Variants in ARHGEF7 observed in about 807,000 individuals in gnomAD.
ARHGEF7 encodes Rho guanine nucleotide exchange factor 7.
ARHGEF7 carries 33 observed loss-of-function variants against 109.8 expected under a neutral mutation model. That is an observed-to-expected ratio of 0.30 (90% CI 0.23 to 0.40). ARHGEF7 has a LOEUF of 0.40. Among genes scored for constraint, ARHGEF7 ranks in the 10% least tolerant of loss-of-function variants. ARHGEF7 has a pLI of 1.00. For synonymous variants in ARHGEF7, 458 were observed against 424.6 expected (o/e 1.08, Z -0.97); for missense variants, 938 against 1,098.5 (o/e 0.85, Z 2.07).
intron 2 of ARHGEF7, among the ~76,000 whole-genome samples, chr13:111,197,065 C>CA (rs1323731801): frequency 1.3e-5 from 2 of 152,178 alleles, no homozygotes; most frequent in Non-Finnish European, 2.9e-5. Context: ...ATCTGAAAGA[C>CA]AAAACCACCT....
chr13:111,300,956 T>C, intron 20 of ARHGEF7, 109 bp downstream of exon 20: 1 of 623,566 alleles, frequency 1.6e-6, no homozygotes, highest in Non-Finnish European at 2.7e-6. Context: ...GCTTCACTTT[T>C]TTTTTTTTTG....
At chr13:111,144,899 G>C (rs546871205) in intron 1 of ARHGEF7, among the ~76,000 whole-genome samples, 1 of 152,310 alleles carries the variant, frequency 6.6e-6, no homozygotes, top group Non-Finnish European at 1.5e-5. Flanking sequence ...AGTAGAGAGA[G>C]AAAAGCAAAT....
Position 111,236,004 on chromosome 13 carries a change from T to G in ARHGEF7, c.759+2711T>G, listed in dbSNP as rs564670981. Among the ~76,000 whole-genome samples the G allele has an allele frequency of 3.3e-5, 5 of 152,338 alleles. No homozygotes were observed. The East Asian group carries it at 5.8e-4, about 18-fold the overall frequency. On this transcript the variant is annotated intron_variant, in intron 6 of 21. Transcript: ENST00000646102. ...TGCGAAAGTACCAACATTTTGAAATTAAGAGACAATGAGACAGGTATGAAT... is the reference window on the plus strand; with the variant it reads ...TGCGAAAGTACCAACATTTTGAAATGAAGAGACAATGAGACAGGTATGAAT...
At chr13:111,252,925 G>A (rs369026677) in intron 8 of ARHGEF7, among the ~76,000 whole-genome samples, 1 of 152,218 alleles carries the variant, frequency 6.6e-6, no homozygotes, top group Non-Finnish European at 1.5e-5. Flanking sequence ...AGTGCTTTTC[G>A]CAGGCCTGGC....
chr13:111,141,590 C>T (rs140412795), intron 1 of ARHGEF7, among the ~76,000 whole-genome samples: 372 of 152,138 alleles, frequency 2.4e-3, no homozygotes, highest in African/African-American at 8.7e-3. Flanking sequence ...CCTTTCTGAT[C>T]GGCTTCTTTC....
chr13:111,219,831 T>G (rs1042209851), intron 5 of ARHGEF7, among the ~76,000 whole-genome samples: 13 of 152,316 alleles, frequency 8.5e-5, no homozygotes, highest in African/African-American at 3.1e-4. Context: ...ATTTGCAACT[T>G]CAGTTCTCCT....
chr13:111,280,250 TG>T (rs1595480453), intron 13 of ARHGEF7, 21 bp from the exon 14 acceptor site: 190 of 1,573,286 alleles, frequency 1.2e-4, no homozygotes, highest in Admixed American at 2.4e-4. Flanking sequence ...TTTTTTTTTT[TG>T]TGGGGGGGGG....
chr13:111,209,280 A>G (rs3783090), intron 3 of ARHGEF7: 69,007 of 151,960 alleles, frequency 0.45, 16,418 homozygotes, highest in South Asian at 0.56. Context: ...TTATGAAGGG[A>G]GATCCAGAGA....
chr13:111,202,519 C>T (rs1290535507), intron 2 of ARHGEF7, among the ~76,000 whole-genome samples: 1 of 152,202 alleles, frequency 6.6e-6, no homozygotes, highest in East Asian at 1.9e-4. Context: ...TTCCTTCCCT[C>T]CTGCTGCTCC....
intron 16 of ARHGEF7, among the ~76,000 whole-genome samples, chr13:111,284,878 G>A (rs535156842): frequency 1.3e-5 from 2 of 152,256 alleles, no homozygotes; most frequent in Non-Finnish European, 2.9e-5. Context: ...CTCGGAGCAC[G>A]TGAGGGGCGG....
intron 2 of ARHGEF7, among the ~76,000 whole-genome samples, chr13:111,160,500 C>T (rs1422311284): frequency 6.6e-6 from 1 of 152,100 alleles, no homozygotes; most frequent in African/African-American, 2.4e-5. Flanking sequence ...TGTGTCCACA[C>T]CCAGATCTCA....
chr13:111,217,643 G>C (rs962002779), intron 4 of ARHGEF7, 36 bp from the exon 5 acceptor site: 1 of 1,548,600 alleles, frequency 6.5e-7, no homozygotes, highest in African/African-American at 1.4e-5. Context: ...GACTGTTCTT[G>C]GTATAATTTT....
In ARHGEF7 at chr13:111,272,277, A is replaced by G. The variant is rs1301082587; in HGVS notation, c.1074-1537A>G. 1.3e-5 allele frequency among the ~76,000 whole-genome samples: 2 copies of G among 152,092 alleles called. No individual in the cohort carries two copies. Among genetic ancestry groups the G allele is most frequent in the Admixed American group, 6.5e-5 (1 of 15,282 alleles). The stretch of plus-strand genomic sequence containing the variant: ...CTCTCTGAAACTGTTAATGTTCACT[A>G]TTTGTGGACTCAGTTTCCTCTGGGT... On this transcript the variant is annotated intron_variant, in intron 9 of 21. Coordinates refer to ENST00000646102, the MANE Select transcript of ARHGEF7 (RefSeq NM_001354046.2). This position sits in a 1 kb window ranked among gnomAD's most constrained non-coding sequence, Gnocchi z 5.2.
In ARHGEF7 at chr13:111,304,773, A is replaced by G. The variant is rs184079630; in HGVS notation, c.*1660A>G. On this transcript the variant is annotated 3_prime_UTR_variant, in exon 22 of 22. Transcript: ENST00000646102. The stretch of plus-strand genomic sequence containing the variant: ...GCCCCATGCTGCAGAACCTGGCCTC[A>G]CCTGGACTTTTCACTAGAATTGCCA... 6.6e-6 allele frequency: 1 copy of G among 152,400 alleles called. No homozygotes were observed. The highest frequency in any genetic ancestry group is 1.5e-5 in the Non-Finnish European group (1 of 68,066). 9.4% of individuals were successfully genotyped at this position (152,400 alleles called of 1,614,324 possible).
At chr13:111,156,577 G>T (rs1173873040) in intron 2 of ARHGEF7, among the ~76,000 whole-genome samples, 1 of 152,236 alleles carries the variant, frequency 6.6e-6, no homozygotes, top group South Asian at 2.1e-4. Flanking sequence ...TGTATGCTAT[G>T]CATCCAGCTC....
At chr13:111,242,113 CT>C (rs1204895228) in intron 6 of ARHGEF7, among the ~76,000 whole-genome samples, 1 of 152,178 alleles carries the variant, frequency 6.6e-6, no homozygotes, top group African/African-American at 2.4e-5. Context: ...GAAGAGCCAG[CT>C]CCCTGCAGGG....
At chr13:111,136,804 G>C (rs1327095027) in intron 1 of ARHGEF7, among the ~76,000 whole-genome samples, 1 of 152,166 alleles carries the variant, frequency 6.6e-6, no homozygotes, top group Non-Finnish European at 1.5e-5. Flanking sequence ...ATGAATCCAG[G>C]AGCTGGTTTT....
chr13:111,289,468 G>A (rs572156684), intron 18 of ARHGEF7, among the ~76,000 whole-genome samples: 2 of 152,216 alleles, frequency 1.3e-5, no homozygotes, highest in African/African-American at 2.4e-5. Flanking sequence ...ATGTGGGCAC[G>A]TGCTGCTGGG....
intron 6 of ARHGEF7, 111 bp downstream of exon 6, chr13:111,233,404 C>T: frequency 1.2e-6 from 1 of 823,362 alleles, no homozygotes; most frequent in Non-Finnish European, 2.0e-6. Context: ...AAATAAAGTT[C>T]ATTCATCTGC....
Sources: gnomAD v4.1 joint callset for allele counts (sites outside exome capture counted in the v4.1 genomes callset) on GRCh38, gnomAD v4.1.1 for gene constraint, Gnocchi (gnomAD v3.1) non-coding constraint, MANE v1.5 for transcripts, NCBI Gene and HGNC (gene_info 2026-07-23, HGNC 2026-07-21) for gene names.